CNBD1: variants seen among roughly 807,000 people sequenced by gnomAD.
CNBD1 encodes cyclic nucleotide binding domain containing 1.
Under a neutral mutation model 54.4 loss-of-function variants are expected in CNBD1, and 71 were observed. The ratio of observed to expected loss-of-function variants is 1.30; its 90% CI spans 1.08 to 1.59. The LOEUF (loss-of-function observed/expected upper bound fraction) is 1.59. Among genes scored for constraint, CNBD1 ranks in the 40% most tolerant of loss-of-function variants. The pLI is 0.00. For synonymous variants in CNBD1, 182 were observed against 170.7 expected, an observed-to-expected ratio of 1.07 and a Z score of -0.51; for missense variants, 659 against 518.0, an observed-to-expected ratio of 1.27 and a Z score of -2.64.
chr8:87,335,463 C>A (rs777782037), intron 8 of CNBD1, among the ~76,000 whole-genome samples: 5 of 152,016 alleles, frequency 3.3e-5, no homozygotes, highest in African/African-American at 1.2e-4. Context: ...ATGTAATGCC[C>A]TTTTTTGTAT....
chr8:87,001,893 C>T (rs762747328), intron 4 of CNBD1, among the ~76,000 whole-genome samples: 1 of 152,120 alleles, frequency 6.6e-6, no homozygotes, highest in African/African-American at 2.4e-5. Flanking sequence ...GTGTTCACTA[C>T]TTTAGGAAGT....
chr8:87,049,130 G>T (rs911068591), intron 4 of CNBD1, among the ~76,000 whole-genome samples: 2 of 152,208 alleles, frequency 1.3e-5, no homozygotes, highest in African/African-American at 4.8e-5. Flanking sequence ...GGTCTCAAAT[G>T]TGTCAGATCT....
In CNBD1 at chr8:87,036,594, T is replaced by TG. The variant is rs762075391; in HGVS notation, c.431+96840_431+96841insG. The stretch of plus-strand genomic sequence containing the variant: ...GGGCGACAGAGCGAGACTGCATCTC[T>TG]AAAAAAAAAAAAAAAAAAAAAAAAA... On this transcript the variant is annotated intron_variant, in intron 4 of 10. Coordinates refer to ENST00000518476, the MANE Select transcript of CNBD1 (RefSeq NM_173538.3). 2.3e-4 allele frequency among the ~76,000 whole-genome samples: 15 copies of TG among 64,744 alleles called. No individual in the cohort carries two copies. In the South Asian group the frequency reaches 6.5e-3, roughly 28 times the overall value. 42.5% of individuals were successfully genotyped at this position (64,744 alleles called of 152,430 possible).
At chr8:87,151,950 T>C (rs1812613226) in intron 4 of CNBD1, among the ~76,000 whole-genome samples, 1 of 152,106 alleles carries the variant, frequency 6.6e-6, no homozygotes, top group South Asian at 2.1e-4. Context: ...AACTTAATCA[T>C]CATCATTATA....
At chr8:87,226,433 A>G (rs566100450) in intron 5 of CNBD1, among the ~76,000 whole-genome samples, 2 of 149,376 alleles carry the variant, frequency 1.3e-5, no homozygotes, top group African/African-American at 5.1e-5. Flanking sequence ...AGATTCTGGT[A>G]TGTTGTGTCT....
chr8:86,956,386 A>T (rs1345790395), intron 4 of CNBD1, among the ~76,000 whole-genome samples: 1 of 152,152 alleles, frequency 6.6e-6, no homozygotes, highest in Non-Finnish European at 1.5e-5. Flanking sequence ...TGGTAGCTTG[A>T]TGGGGATGGC....
intron 4 of CNBD1, among the ~76,000 whole-genome samples, chr8:87,116,708 C>G (rs1811778149): frequency 6.6e-6 from 1 of 152,082 alleles, no homozygotes; most frequent in Non-Finnish European, 1.5e-5. Context: ...AATCTGAAGG[C>G]TTGAAATATA....
intron 2 of CNBD1, among the ~76,000 whole-genome samples, chr8:87,410,642 T>C (rs1166081432): frequency 6.6e-6 from 1 of 152,134 alleles, no homozygotes; most frequent in Non-Finnish European, 1.5e-5. Context: ...TTTGAGAGGA[T>C]TGACTGACAG....
intron 8 of CNBD1, among the ~76,000 whole-genome samples, chr8:87,323,273 G>C (rs954745672): frequency 2.8e-5 from 3 of 108,528 alleles, no homozygotes; most frequent in African/African-American, 1.1e-4. Context: ...GCTTAGGATT[G>C]ACTTGGCGAT....
chr8:87,263,263 A>T (rs1476812571), intron 6 of CNBD1, among the ~76,000 whole-genome samples: 1 of 152,178 alleles, frequency 6.6e-6, no homozygotes, highest in South Asian at 2.1e-4. Flanking sequence ...TGTGAAAACC[A>T]TGCATATTTG....
intron 6 of CNBD1, among the ~76,000 whole-genome samples, chr8:87,254,696 C>G (rs753271449): frequency 6.6e-6 from 1 of 152,146 alleles, no homozygotes; most frequent in Non-Finnish European, 1.5e-5. Context: ...GGGATTTTCA[C>G]GTATCACCTG....
intron 4 of CNBD1, among the ~76,000 whole-genome samples, chr8:87,095,646 A>T (rs1397914480): frequency 6.6e-6 from 1 of 152,010 alleles, no homozygotes; most frequent in Non-Finnish European, 1.5e-5. Context: ...GAATGACCAT[A>T]TATATATATC....
At chr8:86,940,245 C>G (rs781610528) in intron 4 of CNBD1, among the ~76,000 whole-genome samples, 1 of 144,384 alleles carries the variant, frequency 6.9e-6, no homozygotes, top group Non-Finnish European at 1.5e-5. Context: ...CAACTCACTG[C>G]AACCTCCGCC....
intron 5 of CNBD1, among the ~76,000 whole-genome samples, chr8:87,221,215 T>TC (rs1345933060): frequency 6.6e-6 from 1 of 152,172 alleles, no homozygotes; most frequent in Non-Finnish European, 1.5e-5. Context: ...CAGTCATACT[T>TC]CATTTTAAAA....
intron 8 of CNBD1, among the ~76,000 whole-genome samples, chr8:87,335,364 C>G (rs1226759518): frequency 1.3e-5 from 2 of 152,104 alleles, no homozygotes; most frequent in African/African-American, 4.8e-5. Context: ...TCTCTAAGAA[C>G]TTGTTTTATG....
At chr8:87,162,217 G>T (rs978964774) in intron 4 of CNBD1, among the ~76,000 whole-genome samples, 4 of 152,006 alleles carry the variant, frequency 2.6e-5, no homozygotes, top group Non-Finnish European at 5.9e-5. Context: ...TCTAAATTTG[G>T]ATAATAATGC....
intron 4 of CNBD1, among the ~76,000 whole-genome samples, chr8:87,176,751 A>T (rs1219909829): frequency 6.6e-6 from 1 of 151,648 alleles, no homozygotes; most frequent in Non-Finnish European, 1.5e-5. Context: ...AGCCTTCCAA[A>T]GTGCTGGGAT....
At chr8:86,989,415 A>G (rs1312646040) in intron 4 of CNBD1, among the ~76,000 whole-genome samples, 1 of 152,122 alleles carries the variant, frequency 6.6e-6, no homozygotes, top group Non-Finnish European at 1.5e-5. Flanking sequence ...TGCTAGAAAT[A>G]GAATGGTAGT....
chr8:87,290,396 C>G (rs1490408948), intron 8 of CNBD1, among the ~76,000 whole-genome samples: 2 of 152,058 alleles, frequency 1.3e-5, no homozygotes, highest in East Asian at 1.9e-4. Context: ...CACCTGCTTT[C>G]TTATGCTGCT....
Sources: gnomAD v4.1 joint callset for allele counts (sites outside exome capture counted in the v4.1 genomes callset) on GRCh38, gnomAD v4.1.1 for gene constraint, MANE v1.5 for transcripts, NCBI Gene and HGNC (gene_info 2026-07-23, HGNC 2026-07-21) for gene names.